Variants in ATF2 observed in about 807,000 individuals in gnomAD.
The protein encoded by ATF2 is cyclic AMP-dependent transcription factor ATF-2.
ATF2 carries 24 observed loss-of-function variants against 60.6 expected under a neutral mutation model. The observed-to-expected ratio is 0.40, with a 90% CI of 0.29 to 0.56. ATF2 has a LOEUF of 0.56. Among genes scored for constraint, ATF2 ranks in the 20% least tolerant of loss-of-function variants. ATF2 has a pLI of 0.54. For synonymous variants in ATF2, 206 were observed against 215.4 expected (o/e 0.96, Z 0.38); for missense variants, 433 against 607.7 (o/e 0.71, Z 3.02).
intron 13 of ATF2, 111 bp from the exon 14 acceptor site, chr2:175,074,946 T>C: frequency 1.3e-6 from 2 of 1,534,038 alleles, no homozygotes; most frequent in Non-Finnish European, 1.7e-6. Context: ...CAAAACTGAT[T>C]AGACAAGTTG....
intron 2 of ATF2, among the ~76,000 whole-genome samples, chr2:175,145,806 G>T (rs1301745396): frequency 6.6e-6 from 1 of 152,020 alleles, no homozygotes. Context: ...CTTAAATCTG[G>T]GATAATATGA....
Position 175,114,027 on chromosome 2 carries a change from T to C in ATF2, c.708A>G (p.Thr236=). 4 of 1,612,320 alleles carry C rather than the reference T, an allele frequency of 2.5e-6. No homozygotes were observed. Among genetic ancestry groups the C allele is most frequent in the Non-Finnish European group, 3.4e-6 (4 of 1,179,406 alleles). Reference sequence around the variant, plus strand: ...CAGCTGGAACATGCACATTAGAACTTGTAATTGATGCAGGAATAGCAACAG... The same window carrying C: ...CAGCTGGAACATGCACATTAGAACTCGTAATTGATGCAGGAATAGCAACAG... ...TMPVAIPASI[T]SSNVHVPAAV... The change falls in exon 9 of 14, where the codon ACA becomes ACG. Residue 236 remains threonine, a synonymous_variant. Transcript: ENST00000264110.
At chr2:175,112,332 A>C (rs1371460650) in intron 9 of ATF2, among the ~76,000 whole-genome samples, 1 of 152,232 alleles carries the variant, frequency 6.6e-6, no homozygotes, top group Non-Finnish European at 1.5e-5. Flanking sequence ...AAGAGGAAGC[A>C]GATACCTTAT....
At chr2:175,109,750 A>T (rs1559075102) in intron 10 of ATF2, among the ~76,000 whole-genome samples, 1 of 152,214 alleles carries the variant, frequency 6.6e-6, no homozygotes, top group Non-Finnish European at 1.5e-5. Flanking sequence ...TGAATTTTTC[A>T]TCAATCAGTA....
intron 4 of ATF2, among the ~76,000 whole-genome samples, chr2:175,125,629 G>A (rs1406983836): frequency 6.6e-6 from 1 of 151,970 alleles, no homozygotes; most frequent in Non-Finnish European, 1.5e-5. Flanking sequence ...CATATACAAA[G>A]GGTTATGTAG....
chr2:175,153,521 C>T (rs2359563), intron 1 of ATF2, among the ~76,000 whole-genome samples: 38,793 of 151,946 alleles, frequency 0.26, 5,763 homozygotes, highest in African/African-American at 0.42. Context: ...ACAGTAAAAA[C>T]ACAGTACAAA....
chr2:175,136,958 T>G (rs1574457526), intron 2 of ATF2, among the ~76,000 whole-genome samples: 1 of 152,136 alleles, frequency 6.6e-6, no homozygotes, highest in Admixed American at 6.6e-5. Flanking sequence ...TGTATCAGCT[T>G]AAGGACAAGT....
intron 10 of ATF2, among the ~76,000 whole-genome samples, chr2:175,099,152 G>A (rs868814153): frequency 1.8e-4 from 26 of 145,228 alleles, no homozygotes; most frequent in Middle Eastern, 3.5e-3. Context: ...CGCCCAGGCT[G>A]GAGGGCAGTG....
intron 13 of ATF2, among the ~76,000 whole-genome samples, chr2:175,077,096 C>T (rs1201459415): frequency 6.6e-6 from 1 of 151,910 alleles, no homozygotes; most frequent in Non-Finnish European, 1.5e-5. Context: ...TGGTTTCCAG[C>T]TTCATCCATG....
chr2:175,099,833 G>C (rs1486066137), intron 10 of ATF2, among the ~76,000 whole-genome samples: 1 of 152,148 alleles, frequency 6.6e-6, no homozygotes, highest in Admixed American at 6.5e-5. Flanking sequence ...TATTTCCACA[G>C]CACCATGCTG....
At chr2:175,085,101 G>A (rs1351654262) in intron 12 of ATF2, among the ~76,000 whole-genome samples, 4 of 152,000 alleles carry the variant, frequency 2.6e-5, no homozygotes, top group East Asian at 1.9e-4. Flanking sequence ...CCTCAATTAC[G>A]GAACTCTAAA....
At chr2:175,089,595 T>A (rs1694402521) in intron 12 of ATF2, among the ~76,000 whole-genome samples, 1 of 152,210 alleles carries the variant, frequency 6.6e-6, no homozygotes, top group East Asian at 1.9e-4. Context: ...TCTTCACAGT[T>A]AACGGTTTTG....
Position 175,074,737 on chromosome 2 carries a change from T to C in ATF2, c.1390A>G (p.Ser464Gly), listed in dbSNP as rs1235438300. The change falls in exon 14 of 14, where the codon AGT (serine) becomes GGT (glycine). Residue 464 changes from serine (S) to glycine (G), a missense_variant. By Grantham distance (56) the Ser-to-Gly change is moderately conservative. Around this residue, in one of 5 missense-constraint regions of ATF2, gnomAD observed 114 missense variants for 104.0 expected, o/e 1.10. Coordinates refer to ENST00000264110, the MANE Select transcript of ATF2 (RefSeq NM_001880.4). ...HSSVSTSNGVSSTSKAEAVAT... is the reference protein window; with the variant it reads ...HSSVSTSNGVGSTSKAEAVAT... ...ACAGCTTCTGCCTTGGAGGTTGAACTGACTCCATTGGATGTGCTGACCGAA... is the reference window on the plus strand; with the variant it reads ...ACAGCTTCTGCCTTGGAGGTTGAACCGACTCCATTGGATGTGCTGACCGAA... 1 of 1,613,562 alleles carries C rather than the reference T, an allele frequency of 6.2e-7. No homozygotes were observed. Among genetic ancestry groups the C allele is most frequent in the East Asian group, 2.2e-5 (1 of 44,866 alleles).
intron 4 of ATF2, among the ~76,000 whole-genome samples, chr2:175,126,612 C>T (rs907320713): frequency 6.6e-6 from 1 of 152,136 alleles, no homozygotes; most frequent in African/African-American, 2.4e-5. Flanking sequence ...CACACAAATT[C>T]TAATGTTCAG....
At chr2:175,149,322 T>C (rs977702745) in intron 2 of ATF2, among the ~76,000 whole-genome samples, 1 of 152,220 alleles carries the variant, frequency 6.6e-6, no homozygotes, top group African/African-American at 2.4e-5. Flanking sequence ...AGAGATCACA[T>C]GTGGTTCCCA....
chr2:175,116,601 G>C (rs971195209), intron 7 of ATF2, among the ~76,000 whole-genome samples: 20 of 151,964 alleles, frequency 1.3e-4, no homozygotes, highest in Admixed American at 1.1e-3. Context: ...TATGGGCCTG[G>C]ATGAGATCAC....
At chr2:175,089,136 C>T (rs1032296533) in intron 12 of ATF2, among the ~76,000 whole-genome samples, 7 of 151,568 alleles carry the variant, frequency 4.6e-5, no homozygotes, top group Non-Finnish European at 7.4e-5. Context: ...GCTGAGATTG[C>T]GCCATTGCAC....
chr2:175,105,319 CCA>C (rs934186893), intron 10 of ATF2, among the ~76,000 whole-genome samples: 6 of 150,976 alleles, frequency 4.0e-5, no homozygotes, highest in African/African-American at 1.5e-4. Context: ...TGCCCCCCCC[CCA>C]AAAAAATATG....
intron 12 of ATF2, among the ~76,000 whole-genome samples, chr2:175,085,647 A>G (rs1035004243): frequency 7.2e-5 from 11 of 151,886 alleles, no homozygotes; most frequent in African/African-American, 1.7e-4. Context: ...CAGGACATCA[A>G]TTTCTACATT....
Sources: allele counts gnomAD v4.1 joint callset (sites outside exome capture counted in the v4.1 genomes callset), GRCh38; gene constraint gnomAD v4.1.1; regional missense constraint gnomAD v4.1.1; transcripts MANE v1.5; gene names NCBI Gene and HGNC (gene_info 2026-07-23, HGNC 2026-07-21).